The following ARNT2 variants were observed in gnomAD, a reference collection of about 807,000 sequenced individuals.
The protein encoded by ARNT2 is aryl hydrocarbon receptor nuclear translocator 2, also known as ARNT protein 2.
Under a neutral mutation model 91.7 loss-of-function variants are expected in ARNT2, and 36 were observed. The observed-to-expected ratio is 0.39, with a 90% CI of 0.30 to 0.52. The LOEUF (loss-of-function observed/expected upper bound fraction) is 0.52, where lower values mean the gene tolerates loss of function less well. Ranked by LOEUF, ARNT2 falls within the 20% of genes least tolerant of loss-of-function variation. ARNT2 has a pLI of 0.72. For synonymous variants in ARNT2, 365 were observed against 347.1 expected (o/e 1.05, Z -0.57); for missense variants, 775 against 939.3 (o/e 0.83, Z 2.29).
chr15:80,455,319 G>A (rs12908010), intron 2 of ARNT2, among the ~76,000 whole-genome samples: 53,541 of 151,962 alleles, frequency 0.35, 10,123 homozygotes, highest in East Asian at 0.56. Context: ...GTTCGCCTCC[G>A]AATTCCTAGA....
chr15:80,539,168 G>C (rs1237980143), intron 8 of ARNT2, among the ~76,000 whole-genome samples: 1 of 152,104 alleles, frequency 6.6e-6, no homozygotes, highest in Admixed American at 6.5e-5. Flanking sequence ...AAGTTAGAAA[G>C]TAGACTGATT....
intron 12 of ARNT2, among the ~76,000 whole-genome samples, chr15:80,566,059 A>G (rs1387269343): frequency 1.3e-5 from 2 of 152,226 alleles, no homozygotes; most frequent in Non-Finnish European, 2.9e-5. Flanking sequence ...GCTACTGCAT[A>G]TGAAGCACTC....
At position 80,593,840 on chromosome 15, in the gene ARNT2, G is replaced by A; in HGVS notation, c.*142G>A. ...CCATCTCCCCCGCTGTGTGTCCCCA[G>A]GCGCATCATTGCTCCACTCTCCCCT... On this transcript the variant is annotated 3_prime_UTR_variant, in exon 19 of 19. Transcript: ENST00000303329. The A allele has an allele frequency of 1.4e-6, 1 of 736,976 alleles. No individual in the cohort carries two copies. Among genetic ancestry groups the A allele is most frequent in the South Asian group, 1.8e-5 (1 of 55,670 alleles). 45.7% of individuals were successfully genotyped at this position (736,976 alleles called of 1,614,324 possible).
intron 17 of ARNT2, among the ~76,000 whole-genome samples, chr15:80,590,021 A>G (rs867663576): frequency 6.6e-6 from 1 of 152,192 alleles, no homozygotes; most frequent in Non-Finnish European, 1.5e-5. Context: ...GCATTTTATT[A>G]AAGCCCTTTA....
At position 80,458,339 on chromosome 15, in the gene ARNT2, C is replaced by T. The variant is rs942680566; in HGVS notation, c.194+363C>T. ...AAATTAATATTCATTGCTTATAAAG[C>T]AAACAGAGGAATTCATTCTTCCTGA... On this transcript the variant is annotated intron_variant, in intron 3 of 18. Coordinates refer to ENST00000303329, the MANE Select transcript of ARNT2 (RefSeq NM_014862.4). 1.8e-4 allele frequency among the ~76,000 whole-genome samples: 28 copies of T among 151,902 alleles called. 1 individual carries two copies. Among genetic ancestry groups the T allele is most frequent in the Non-Finnish European group, 5.9e-5 (4 of 67,968 alleles).
At chr15:80,457,679 G>GACT (rs1896499765) in intron 2 of ARNT2, among the ~76,000 whole-genome samples, 1 of 152,216 alleles carries the variant, frequency 6.6e-6, no homozygotes. Flanking sequence ...TTCTGGAGGG[G>GACT]ACTAGTTGAT....
At chr15:80,430,562 C>G (rs1318420862) in intron 1 of ARNT2, among the ~76,000 whole-genome samples, 8 of 152,210 alleles carry the variant, frequency 5.3e-5, no homozygotes, top group Non-Finnish European at 8.8e-5. Flanking sequence ...GCTGACTGTC[C>G]AGTCTCAACG....
At chr15:80,570,897 C>T (rs980749648) in intron 12 of ARNT2, among the ~76,000 whole-genome samples, 25 of 152,164 alleles carry the variant, frequency 1.6e-4, no homozygotes, top group African/African-American at 6.0e-4. Flanking sequence ...GGGCTGAATT[C>T]GAAACAGAAT....
intron 8 of ARNT2, among the ~76,000 whole-genome samples, chr15:80,541,008 G>T (rs909382244): frequency 6.6e-6 from 1 of 152,200 alleles, no homozygotes; most frequent in East Asian, 1.9e-4. Flanking sequence ...TATATACCCA[G>T]TAATGGGATT....
At chr15:80,438,456 A>G (rs1254708055) in intron 1 of ARNT2, among the ~76,000 whole-genome samples, 1 of 152,220 alleles carries the variant, frequency 6.6e-6, no homozygotes, top group Non-Finnish European at 1.5e-5. Context: ...TCCAAATAAG[A>G]CTTTTTCTTG....
intron 9 of ARNT2, 23 bp from the exon 10 acceptor site, chr15:80,552,617 A>G (rs765320151): frequency 3.1e-6 from 5 of 1,612,402 alleles, no homozygotes; most frequent in Admixed American, 1.7e-5. Flanking sequence ...CACCACCTCA[A>G]CTGTGGATTT....
chr15:80,408,303 G>T (rs1297888194), intron 1 of ARNT2, among the ~76,000 whole-genome samples: 1 of 152,170 alleles, frequency 6.6e-6, no homozygotes, highest in South Asian at 2.1e-4. Context: ...AGTCTACTAG[G>T]GGAGGCATAG....
intron 5 of ARNT2, among the ~76,000 whole-genome samples, chr15:80,478,958 G>A (rs147873553): frequency 2.0e-4 from 30 of 152,354 alleles, no homozygotes; most frequent in South Asian, 6.2e-4. Flanking sequence ...CTTTGGGAGA[G>A]TCAGGGTGGA....
intron 1 of ARNT2, among the ~76,000 whole-genome samples, chr15:80,418,999 T>C (rs1303660695): frequency 6.6e-6 from 1 of 152,220 alleles, no homozygotes; most frequent in East Asian, 1.9e-4. Flanking sequence ...TAGAGGCTTC[T>C]TGAGGGGAGC....
chr15:80,427,236 G>A (rs1213124739), intron 1 of ARNT2, among the ~76,000 whole-genome samples: 1 of 152,176 alleles, frequency 6.6e-6, no homozygotes, highest in Non-Finnish European at 1.5e-5. Flanking sequence ...TGACCACTGG[G>A]GCTGGGGCTG....
intron 17 of ARNT2, among the ~76,000 whole-genome samples, chr15:80,585,529 C>A (rs191815876): frequency 1.8e-4 from 28 of 152,300 alleles, no homozygotes; most frequent in African/African-American, 5.5e-4. Flanking sequence ...GAAGAGGAGA[C>A]CCCACCCCAC....
intron 5 of ARNT2, among the ~76,000 whole-genome samples, chr15:80,498,221 G>T (rs1467259840): frequency 2.6e-5 from 4 of 152,180 alleles, no homozygotes; most frequent in Non-Finnish European, 5.9e-5. Context: ...GATGGCACAC[G>T]ATTTTTTTCT....
intron 5 of ARNT2, among the ~76,000 whole-genome samples, chr15:80,476,387 G>A (rs1318638156): frequency 6.6e-6 from 1 of 152,192 alleles, no homozygotes; most frequent in Non-Finnish European, 1.5e-5. Flanking sequence ...TTACAGATAA[G>A]CAAACACAAC....
At chr15:80,528,372 A>ATCTG (rs1491289592) in intron 8 of ARNT2, among the ~76,000 whole-genome samples, 1 of 147,142 alleles carries the variant, frequency 6.8e-6, no homozygotes, top group South Asian at 2.1e-4. Flanking sequence ...CCATTTATCT[A>ATCTG]TCTATCTATC....
Sources: allele counts gnomAD v4.1 joint callset (sites outside exome capture counted in the v4.1 genomes callset), GRCh38; gene constraint gnomAD v4.1.1; transcripts MANE v1.5; gene names NCBI Gene and HGNC (gene_info 2026-07-23, HGNC 2026-07-21).